Variants in ACER2 observed in about 807,000 individuals in gnomAD.
ACER2 encodes the protein alkCDase 2.
Under a neutral mutation model 34.7 loss-of-function variants are expected in ACER2, and 26 were observed. The ratio of observed to expected loss-of-function variants is 0.75; its 90% CI spans 0.55 to 1.04. The LOEUF is 1.04. ACER2 is among the 50% of genes least tolerant of loss of function. ACER2 has a pLI of 0.00. For synonymous variants in ACER2, 138 were observed against 132.1 expected (o/e 1.04, Z -0.31); for missense variants, 352 against 340.8 (o/e 1.03, Z -0.26).
chr9:19,435,206 G>A (rs1228734954), intron 4 of ACER2, 122 bp downstream of exon 4: 6 of 1,268,228 alleles, frequency 4.7e-6, no homozygotes, highest in East Asian at 2.6e-5. Context: ...GTTAGTTGCT[G>A]ACTGTTGGAT....
chr9:19,427,160 C>T (rs1291020604), intron 3 of ACER2, among the ~76,000 whole-genome samples: 3 of 152,138 alleles, frequency 2.0e-5, no homozygotes. Flanking sequence ...CAATAGTGTT[C>T]ATCTTTGAGA....
At chr9:19,409,321 G>T in intron 1 of ACER2, 129 bp downstream of exon 1, 1 of 813,440 alleles carries the variant, frequency 1.2e-6, no homozygotes, top group East Asian at 2.7e-5. Flanking sequence ...GGCTGAGTCA[G>T]TCCACACCCC....
chr9:19,422,157 C>T (rs1414642993), intron 1 of ACER2, among the ~76,000 whole-genome samples: 1 of 151,184 alleles, frequency 6.6e-6, no homozygotes, highest in African/African-American at 2.4e-5. Flanking sequence ...TAAATAAAGC[C>T]AGGCATGGTG....
At chr9:19,445,706 G>T (rs1306929275) in intron 4 of ACER2, among the ~76,000 whole-genome samples, 1 of 152,178 alleles carries the variant, frequency 6.6e-6, no homozygotes, top group Non-Finnish European at 1.5e-5. Context: ...AGAGGGAAGA[G>T]TACACACGAG....
chr9:19,425,203 C>T (rs1589043940), intron 3 of ACER2, among the ~76,000 whole-genome samples: 2 of 152,246 alleles, frequency 1.3e-5, no homozygotes, highest in East Asian at 1.9e-4. Flanking sequence ...ACTAATCCAA[C>T]TCCACCAGTT....
chr9:19,450,326 G>C, intron 5 of ACER2, 124 bp from the exon 6 acceptor site: 14 of 1,349,150 alleles, frequency 1.0e-5, no homozygotes, highest in Non-Finnish European at 1.2e-5. Flanking sequence ...AATTAGAAGA[G>C]GCCCCTGGGC....
At chr9:19,420,645 A>G (rs1830375570) in intron 1 of ACER2, among the ~76,000 whole-genome samples, 1 of 152,224 alleles carries the variant, frequency 6.6e-6, no homozygotes, top group Non-Finnish European at 1.5e-5. Flanking sequence ...GAATTAGTAC[A>G]CCAGCTAGTG....
At chr9:19,418,844 TA>T (rs1204531278) in intron 1 of ACER2, among the ~76,000 whole-genome samples, 2 of 151,984 alleles carry the variant, frequency 1.3e-5, no homozygotes, top group Non-Finnish European at 2.9e-5. Context: ...AAAGTGTAAT[TA>T]AAAAAAGAAG....
intron 1 of ACER2, 24 bp downstream of exon 1, chr9:19,409,216 G>C: frequency 2.6e-6 from 4 of 1,560,344 alleles, no homozygotes; most frequent in Non-Finnish European, 3.5e-6. Context: ...GAGCGGGGAA[G>C]GCAGGCGGGC....
At chr9:19,447,402 T>TA (rs1831407213) in intron 5 of ACER2, among the ~76,000 whole-genome samples, 1 of 152,198 alleles carries the variant, frequency 6.6e-6, no homozygotes, top group Non-Finnish European at 1.5e-5. Context: ...CACCCTACTC[T>TA]AAATTTAAGA....
At chr9:19,439,277 T>C (rs1831067406) in intron 4 of ACER2, among the ~76,000 whole-genome samples, 2 of 151,800 alleles carry the variant, frequency 1.3e-5, no homozygotes, top group African/African-American at 4.8e-5. Flanking sequence ...TTCCCTCCAC[T>C]CTCCTATGTC....
At chr9:19,442,837 CTTT>C (rs113229012) in intron 4 of ACER2, among the ~76,000 whole-genome samples, 1 of 144,630 alleles carries the variant, frequency 6.9e-6, no homozygotes, top group Non-Finnish European at 1.5e-5. Context: ...CCAATAAATA[CTTT>C]TTTTTTTTTT....
At chr9:19,441,055 T>C (rs1008325231) in intron 4 of ACER2, among the ~76,000 whole-genome samples, 32 of 150,894 alleles carry the variant, frequency 2.1e-4, no homozygotes, top group Admixed American at 7.9e-4. Flanking sequence ...TTTCTTTTTT[T>C]TTTTTTTTTT....
intron 1 of ACER2, among the ~76,000 whole-genome samples, chr9:19,419,733 A>C (rs188549078): frequency 2.0e-5 from 3 of 152,216 alleles, no homozygotes; most frequent in African/African-American, 7.2e-5. Flanking sequence ...GTTGCACTCC[A>C]GCCTGGACTA....
In ACER2 at chr9:19,446,054, T is replaced by G. The variant is rs974232588; in HGVS notation, c.504-227T>G. ...TCAAAAATGTAGTTGGGTGTATGAG[T>G]CTGGAGTCAGGAGAGAAGCCTGGGT... is the stretch of plus-strand genomic sequence containing the variant. On this transcript the variant is annotated intron_variant, in intron 4 of 5. Transcript: ENST00000340967. 1.2e-5 allele frequency: 9 copies of G among 732,870 alleles called. No homozygotes were observed. The Admixed American group carries it at 1.3e-4, about 10-fold the overall frequency. The allele number at this position is 732,870 out of a possible 1,614,324, so 45.4% of individuals were successfully genotyped here.
chr9:19,442,994 G>A (rs1398620313), intron 4 of ACER2, among the ~76,000 whole-genome samples: 2 of 149,466 alleles, frequency 1.3e-5, no homozygotes, highest in Non-Finnish European at 1.5e-5. Flanking sequence ...CATCATGCCC[G>A]GCTAATTTAT....
At chr9:19,426,274 C>T (rs1233651118) in intron 3 of ACER2, among the ~76,000 whole-genome samples, 1 of 145,078 alleles carries the variant, frequency 6.9e-6, no homozygotes, top group Non-Finnish European at 1.5e-5. Flanking sequence ...TTCTTTCTTT[C>T]TCTTTCTTTC....
intron 3 of ACER2, among the ~76,000 whole-genome samples, chr9:19,432,244 CTA>C (rs779292505): frequency 1.3e-5 from 2 of 152,126 alleles, no homozygotes; most frequent in Non-Finnish European, 2.9e-5. Flanking sequence ...TAAATATAGA[CTA>C]TTTTTTCTTA....
chr9:19,426,648 T>G (rs964100451), intron 3 of ACER2, among the ~76,000 whole-genome samples: 2 of 152,204 alleles, frequency 1.3e-5, no homozygotes, highest in African/African-American at 4.8e-5. Flanking sequence ...AATGTATTCC[T>G]TATAGAAAAC....
Sources: gnomAD v4.1 joint callset for allele counts (sites outside exome capture counted in the v4.1 genomes callset) on GRCh38, gnomAD v4.1.1 for gene constraint, MANE v1.5 for transcripts, NCBI Gene and HGNC (gene_info 2026-07-23, HGNC 2026-07-21) for gene names.